MITF: variants seen among roughly 807,000 people sequenced by gnomAD.
MITF encodes the protein microphthalmia-associated transcription factor.
MITF carries 17 observed loss-of-function variants against 60.5 expected under a neutral mutation model. That is an observed-to-expected ratio of 0.28 (90% confidence interval 0.19 to 0.42). MITF has a LOEUF of 0.42. MITF is among the 10% of genes least tolerant of loss of function. The pLI, the probability that MITF is intolerant of heterozygous loss-of-function variation, is 1.00. For synonymous variants in MITF, 260 were observed against 248.5 expected (o/e 1.05, Z -0.43); for missense variants, 622 against 683.5 (o/e 0.91, Z 1.00).
chr3:69,832,908 TAC>T (rs1426356297), intron 1 of MITF, among the ~76,000 whole-genome samples: 1 of 152,272 alleles, frequency 6.6e-6, no homozygotes, highest in Non-Finnish European at 1.5e-5. Flanking sequence ...TTTGCTTAGT[TAC>T]ACTGTATGTG....
At chr3:69,938,172 C>A (rs1459216945) in intron 3 of MITF, 123 bp downstream of exon 3, 7 of 1,209,920 alleles carry the variant, frequency 5.8e-6, no homozygotes, top group Non-Finnish European at 8.4e-6. Flanking sequence ...CAGCCTTTGT[C>A]CCCGATTCAC....
intron 1 of MITF, among the ~76,000 whole-genome samples, chr3:69,760,007 T>C (rs1205849780): frequency 6.6e-6 from 1 of 152,188 alleles, no homozygotes; most frequent in African/African-American, 2.4e-5. Flanking sequence ...CTCGATCTCC[T>C]GACCTCGTGA....
intron 2 of MITF, among the ~76,000 whole-genome samples, chr3:69,933,775 C>G (rs1392461309): frequency 2.0e-5 from 3 of 152,148 alleles, no homozygotes; most frequent in Non-Finnish European, 4.4e-5. Flanking sequence ...CAAAAACATG[C>G]AAACATTATC....
chr3:69,812,665 G>A (rs892759909), intron 1 of MITF, among the ~76,000 whole-genome samples: 2 of 152,044 alleles, frequency 1.3e-5, no homozygotes, highest in Non-Finnish European at 2.9e-5. Flanking sequence ...TTTTCATGAG[G>A]TTCTGCTCAC....
At position 69,824,442 on chromosome 3, in the gene MITF, A is replaced by G. The variant is rs148497680; in HGVS notation, c.105-54692A>G. 3.3e-4 allele frequency among the ~76,000 whole-genome samples: 51 copies of G among 152,256 alleles called. No individual in the cohort carries two copies. In the East Asian group the frequency reaches 8.9e-3, roughly 27 times the overall value. On this transcript the variant is annotated intron_variant, in intron 1 of 9. Coordinates refer to ENST00000352241, the MANE Select transcript of MITF (RefSeq NM_001354604.2). Reference sequence around the variant, plus strand: ...TCAATTTATTGCCTCTCAGGTCCAAATTCACCCTTTATTGTCTGCTCTGTG... The same window carrying G: ...TCAATTTATTGCCTCTCAGGTCCAAGTTCACCCTTTATTGTCTGCTCTGTG...
intron 1 of MITF, among the ~76,000 whole-genome samples, 178 bp downstream of exon 1, chr3:69,739,879 C>T (rs1329339767): frequency 6.6e-6 from 1 of 152,042 alleles, no homozygotes; most frequent in Non-Finnish European, 1.5e-5. Flanking sequence ...GGCCCAAGTG[C>T]GCCTTTAGGA....
chr3:69,760,663 T>TTGCCTTTGG (rs1240269689), intron 1 of MITF, among the ~76,000 whole-genome samples: 1 of 152,102 alleles, frequency 6.6e-6, no homozygotes, highest in African/African-American at 2.4e-5. Flanking sequence ...CACCTAGAGG[T>TTGCCTTTGG]TGCCTTTGGT....
At chr3:69,888,568 C>T (rs985447079) in intron 2 of MITF, among the ~76,000 whole-genome samples, 5 of 152,070 alleles carry the variant, frequency 3.3e-5, no homozygotes, top group East Asian at 3.9e-4. Context: ...ACTTAGCACA[C>T]GCCGCTAAGT....
At chr3:69,849,702 C>G (rs1040372305) in intron 1 of MITF, among the ~76,000 whole-genome samples, 5 of 152,222 alleles carry the variant, frequency 3.3e-5, no homozygotes, top group Non-Finnish European at 5.9e-5. Flanking sequence ...TTGCTACATC[C>G]TTTCTAGAAG....
At chr3:69,953,854 G>C (rs2107524932) in intron 7 of MITF, among the ~76,000 whole-genome samples, 1 of 151,852 alleles carries the variant, frequency 6.6e-6, no homozygotes, top group East Asian at 1.9e-4. Context: ...ATGAGCAAGG[G>C]TCAGAATAAT....
At chr3:69,955,540 G>A (rs529618753) in intron 7 of MITF, among the ~76,000 whole-genome samples, 8 of 152,210 alleles carry the variant, frequency 5.3e-5, no homozygotes, top group South Asian at 4.2e-4. Flanking sequence ...AAGGCCGGAC[G>A]CAGTGGCTCA....
intron 2 of MITF, among the ~76,000 whole-genome samples, chr3:69,912,459 C>T (rs759467798): frequency 1.2e-4 from 19 of 152,042 alleles, no homozygotes; most frequent in South Asian, 6.2e-4. Flanking sequence ...AGTAATGAGG[C>T]GCATCTCAAC....
At chr3:69,889,245 A>C (rs2064703130) in intron 2 of MITF, among the ~76,000 whole-genome samples, 1 of 151,730 alleles carries the variant, frequency 6.6e-6, no homozygotes, top group Non-Finnish European at 1.5e-5. Flanking sequence ...ATGAGACCTT[A>C]ATCAGGGTCC....
intron 2 of MITF, among the ~76,000 whole-genome samples, chr3:69,902,317 C>A (rs1273644989): frequency 2.0e-5 from 3 of 152,066 alleles, no homozygotes; most frequent in Non-Finnish European, 4.4e-5. Context: ...CAGCTAACCC[C>A]ATACTAAATA....
intron 9 of MITF, among the ~76,000 whole-genome samples, chr3:69,962,586 G>A (rs1339460693): frequency 6.6e-6 from 1 of 152,120 alleles, no homozygotes; most frequent in East Asian, 1.9e-4. Context: ...TCTCTGATAA[G>A]GAAAGGTGAC....
At chr3:69,927,574 A>G (rs577496397) in intron 2 of MITF, among the ~76,000 whole-genome samples, 2 of 152,378 alleles carry the variant, frequency 1.3e-5, no homozygotes, top group East Asian at 3.9e-4. Flanking sequence ...AATGTAGTGT[A>G]CTAGACAAGA....
At chr3:69,939,265 T>A in intron 4 of MITF, 84 bp downstream of exon 4, 3 of 1,271,944 alleles carry the variant, frequency 2.4e-6, no homozygotes, top group Non-Finnish European at 2.2e-6. Context: ...CCTGAAAACT[T>A]AAGCATTTTT....
At chr3:69,889,041 T>TG (rs2064696706) in intron 2 of MITF, among the ~76,000 whole-genome samples, 1 of 146,820 alleles carries the variant, frequency 6.8e-6, no homozygotes, top group Non-Finnish European at 1.5e-5. Context: ...TTTTTTTTTT[T>TG]TTTTTTTTTT....
chr3:69,794,927 T>C (rs546345723), intron 1 of MITF, among the ~76,000 whole-genome samples: 45 of 152,376 alleles, frequency 3.0e-4, no homozygotes, highest in African/African-American at 9.9e-4. Flanking sequence ...TACTGGGACA[T>C]GTAACAGTAG....
Sources: allele counts gnomAD v4.1 joint callset (sites outside exome capture counted in the v4.1 genomes callset), GRCh38; gene constraint gnomAD v4.1.1; transcripts MANE v1.5; gene names NCBI Gene and HGNC (gene_info 2026-07-23, HGNC 2026-07-21).